Variants in TKT observed in about 807,000 individuals in gnomAD.
TKT encodes the protein epididymis luminal protein 107.
A neutral mutation model predicts 63.9 loss-of-function variants in TKT; 47 were observed. The observed-to-expected ratio is 0.74, with a 90% CI of 0.58 to 0.94. The LOEUF is 0.94. Ranked by LOEUF, TKT falls within the 40% of genes least tolerant of loss-of-function variation. The pLI is 0.00. For missense variants in TKT, 721 were observed against 846.2 expected (o/e 0.85, Z 1.84); for synonymous variants, 338 against 334.1 (o/e 1.01, Z -0.13).
intron 1 of TKT, chr3:53,243,526 A>G: frequency 6.6e-6 from 3 of 455,752 alleles, no homozygotes; most frequent in South Asian, 4.7e-5. Context: ...AAATCCAGAA[A>G]ACTGTCCATG....
chr3:53,234,772 A>AACTC, intron 5 of TKT: 1 of 456,318 alleles, frequency 2.2e-6, no homozygotes, highest in Non-Finnish European at 3.8e-6. Context: ...AAAACAAGGA[A>AACTC]ACTCACTTAA....
chr3:53,226,729 C>T, intron 13 of TKT, 27 bp downstream of exon 13: 1 of 1,614,022 alleles, frequency 6.2e-7, no homozygotes, highest in Non-Finnish European at 8.5e-7. Flanking sequence ...GTCCCTTGCC[C>T]AGCCTGCCTG....
Position 53,231,370 on chromosome 3 carries a change from T to A in TKT, c.929A>T (p.Lys310Ile). The change falls in exon 7 of 14, where the codon AAA becomes ATA. Residue 310 changes from lysine (K) to isoleucine (I), a missense_variant. Physicochemically the swap from Lys to Ile is moderately radical, Grantham distance 102. Transcript: ENST00000462138. ...NIRMPSLPSY[K>I]VGDKIATRKA... ...CCCACTTTGTACCTTGTCCCCAACT[T>A]TGTAGCTGGGCAGGCTGGGCATGCG... 6.2e-7 allele frequency: 1 copy of A among 1,613,418 alleles called. No homozygotes were observed. Among genetic ancestry groups the A allele is most frequent in the Non-Finnish European group, 8.5e-7 (1 of 1,179,978 alleles).
intron 6 of TKT, 80 bp from the exon 7 acceptor site, chr3:53,231,630 G>A (rs1704765883): frequency 6.9e-7 from 1 of 1,445,562 alleles, no homozygotes; most frequent in Admixed American, 2.2e-5. Context: ...CCAGGAGACT[G>A]GCCCTCTACC....
Position 53,235,281 on chromosome 3 carries a change from G to T in TKT, c.438-107C>A. The T allele has an allele frequency of 6.0e-6, 6 of 1,001,650 alleles. No homozygotes were observed. The South Asian group carries it at 9.2e-5, about 15-fold the overall frequency. The allele number at this position is 1,001,650 out of a possible 1,614,324, so 62.0% of individuals were successfully genotyped here. On this transcript the variant is annotated intron_variant, in intron 4 of 13. Coordinates refer to ENST00000462138, the MANE Select transcript of TKT (RefSeq NM_001064.4). ...GCATTCTGGGTAAAGGAGCAGCCACGCATGGATATGCAGAACAGATGGCAT... is the reference window on the plus strand; with the variant it reads ...GCATTCTGGGTAAAGGAGCAGCCACTCATGGATATGCAGAACAGATGGCAT...
At chr3:53,237,493 TATAC>T (rs1393116589) in intron 4 of TKT, among the ~76,000 whole-genome samples, 2 of 93,796 alleles carry the variant, frequency 2.1e-5, no homozygotes, top group East Asian at 4.4e-4. Context: ...GATTTTATAT[TATAC>T]ACACACACAC....
At chr3:53,245,989 C>T (rs781866651) in intron 1 of TKT, among the ~76,000 whole-genome samples, 8 of 152,188 alleles carry the variant, frequency 5.3e-5, no homozygotes, top group South Asian at 2.1e-4. Flanking sequence ...ACAAACAGGC[C>T]GGGCACAGTG....
chr3:53,254,264 G>A (rs1553681959), intron 1 of TKT, among the ~76,000 whole-genome samples: 1 of 152,152 alleles, frequency 6.6e-6, no homozygotes, highest in Non-Finnish European at 1.5e-5. Flanking sequence ...AGCAATACAA[G>A]GCCTGCAGAG....
At chr3:53,240,510 CTAATTA>C (rs1270921970) in intron 3 of TKT, among the ~76,000 whole-genome samples, 162 bp from the exon 4 acceptor site, 1 of 152,356 alleles carries the variant, frequency 6.6e-6, no homozygotes, top group African/African-American at 2.4e-5. Flanking sequence ...TCCTAATGAA[CTAATTA>C]TAATTATAGG....
At chr3:53,250,103 C>T (rs1242976861) in intron 1 of TKT, among the ~76,000 whole-genome samples, 3 of 152,192 alleles carry the variant, frequency 2.0e-5, no homozygotes, top group South Asian at 2.1e-4. Flanking sequence ...AGAGGTCACT[C>T]GGGCAGAGAA....
At chr3:53,226,295 A>G in intron 13 of TKT, 1 of 256,532 alleles carries the variant, frequency 3.9e-6, no homozygotes, top group Non-Finnish European at 7.5e-6. Flanking sequence ...CCAGCCAGCC[A>G]CTGTCCATAG....
chr3:53,232,123 G>A (rs1384936542), intron 6 of TKT: 2 of 383,494 alleles, frequency 5.2e-6, no homozygotes, highest in African/African-American at 4.1e-5. Flanking sequence ...TCTCCCTGGA[G>A]GTCACCTCAG....
At chr3:53,249,162 G>A (rs1480983837) in intron 1 of TKT, among the ~76,000 whole-genome samples, 1 of 50,098 alleles carries the variant, frequency 2.0e-5, no homozygotes, top group Admixed American at 2.6e-4. Flanking sequence ...GTAGAGACAG[G>A]GTTTCACCAT....
At chr3:53,230,256 C>T (rs1553676705) in intron 8 of TKT, among the ~76,000 whole-genome samples, 8 of 152,244 alleles carry the variant, frequency 5.3e-5, no homozygotes. Flanking sequence ...CACACCTGTC[C>T]AGGACATTTG....
At chr3:53,245,830 G>C (rs1553680801) in intron 1 of TKT, among the ~76,000 whole-genome samples, 1 of 152,106 alleles carries the variant, frequency 6.6e-6, no homozygotes, top group Non-Finnish European at 1.5e-5. Context: ...ACTGACTCAA[G>C]AAGAAATAGA....
chr3:53,244,375 C>T (rs1462436170), intron 1 of TKT, among the ~76,000 whole-genome samples: 1 of 152,190 alleles, frequency 6.6e-6, no homozygotes, highest in Admixed American at 6.5e-5. Context: ...CAACCCGGGG[C>T]TCAGCTTCTT....
chr3:53,226,220 C>G (rs190892537), intron 13 of TKT: 68 of 352,530 alleles, frequency 1.9e-4, no homozygotes, highest in Middle Eastern at 7.6e-4. Context: ...ATGCACGGCC[C>G]AGAACTATTT....
chr3:53,227,921 T>C (rs1704568785), intron 12 of TKT, 135 bp downstream of exon 12: 12 of 756,878 alleles, frequency 1.6e-5, no homozygotes, highest in South Asian at 7.4e-5. Context: ...TTGCTATCAT[T>C]ATTTAATGAA....
intron 10 of TKT, 81 bp downstream of exon 10, chr3:53,228,926 G>C (rs1423764056): frequency 6.4e-7 from 1 of 1,567,044 alleles, no homozygotes; most frequent in Non-Finnish European, 8.6e-7. Context: ...GGGGCAGCAA[G>C]TGACCAGCTC....
Sources: gnomAD v4.1 joint callset for allele counts (sites outside exome capture counted in the v4.1 genomes callset) on GRCh38, gnomAD v4.1.1 for gene constraint, MANE v1.5 for transcripts, NCBI Gene and HGNC (gene_info 2026-07-23, HGNC 2026-07-21) for gene names.